Variants in ANLN observed in about 807,000 individuals in gnomAD.
The protein encoded by ANLN is anillin.
In ANLN, 59 loss-of-function variants were observed where a neutral mutation model predicts 135.1. The ratio of observed to expected loss-of-function variants is 0.44; its 90% CI spans 0.35 to 0.54. The LOEUF is 0.54. Among genes scored for constraint, ANLN ranks in the 20% least tolerant of loss-of-function variants. ANLN has a pLI of 0.00. For missense variants in ANLN, 1,182 were observed against 1,340.0 expected (o/e 0.88, Z 1.84); for synonymous variants, 406 against 456.4 (o/e 0.89, Z 1.41).
chr7:36,394,156 A>G (rs1158472106), intron 1 of ANLN, among the ~76,000 whole-genome samples: 1 of 152,196 alleles, frequency 6.6e-6, no homozygotes, highest in Non-Finnish European at 1.5e-5. Context: ...CAGAGACAGG[A>G]TCTTGCTTTG....
intron 5 of ANLN, among the ~76,000 whole-genome samples, chr7:36,409,189 T>C (rs1029741284): frequency 2.6e-5 from 4 of 152,246 alleles, no homozygotes; most frequent in Admixed American, 2.6e-4. Context: ...TAATTGTTCT[T>C]GGCTACTGGA....
intron 1 of ANLN, 111 bp downstream of exon 1, chr7:36,390,155 CGCGCGTGCGCAGTGTGT>C: frequency 6.3e-7 from 1 of 1,575,676 alleles, no homozygotes; most frequent in Non-Finnish European, 8.7e-7. Flanking sequence ...CGCGTGTGTG[CGCGCGTGCGCAGTGTGT>C]GCGGGCCGGG....
chr7:36,397,047 G>C (rs1234223976), intron 2 of ANLN, among the ~76,000 whole-genome samples: 1 of 151,954 alleles, frequency 6.6e-6, no homozygotes, highest in Non-Finnish European at 1.5e-5. Context: ...CTGGAGTGTA[G>C]AATAGTCTGG....
At position 36,452,534 on chromosome 7, in the gene ANLN, T is replaced by C. The variant is rs1039476057; in HGVS notation, c.3309T>C (p.Asn1103=). The C allele has an allele frequency of 5.6e-6, 9 of 1,613,952 alleles. No homozygotes were observed. The highest frequency in any genetic ancestry group is 7.6e-6 in the Non-Finnish European group (9 of 1,179,974). Reference sequence around the variant, plus strand: ...GGGATCTCTGGATGCAAAAACTCAATCAAGTTCTTGTTGATATTCGCCTCT... The same window carrying C: ...GGGATCTCTGGATGCAAAAACTCAACCAAGTTCTTGTTGATATTCGCCTCT... ...EERDLWMQKL[N]QVLVDIRLWQ... is the part of the protein sequence containing the mutation. The change falls in exon 24 of 24, where the codon AAT becomes AAC. Residue 1103 remains asparagine (N), a synonymous_variant. Coordinates refer to ENST00000265748, the MANE Select transcript of ANLN (RefSeq NM_018685.5).
chr7:36,439,129 G>T lies in ANLN; in HGVS notation c.2884-75G>T, dbSNP rs533177936. 9.4e-5 allele frequency: 83 copies of T among 884,650 alleles called. 1 individual carries two copies. The South Asian group carries it at 1.1e-3, about 12-fold the overall frequency. 54.8% of individuals were successfully genotyped at this position (884,650 alleles called of 1,614,324 possible). A position where few individuals can be genotyped will look rare whatever the true frequency, so the allele number is the denominator to read the frequency against. On this transcript the variant is annotated intron_variant, in intron 20 of 23. Coordinates refer to ENST00000265748, the MANE Select transcript of ANLN (RefSeq NM_018685.5). The stretch of plus-strand genomic sequence containing the variant: ...TCAAGTTGTAATAGTCTCTGTTCAT[G>T]ATTTATACATGATTTATCAAGAAAA...
At chr7:36,396,175 T>C (rs1401208971) in intron 1 of ANLN, 91 bp from the exon 2 acceptor site, 3 of 1,137,186 alleles carry the variant, frequency 2.6e-6, no homozygotes, top group Non-Finnish European at 3.6e-6. Context: ...ACTGTCATCC[T>C]GTATGGCAAT....
chr7:36,430,537 C>T (rs1788272575), intron 20 of ANLN, among the ~76,000 whole-genome samples: 1 of 152,074 alleles, frequency 6.6e-6, no homozygotes, highest in Admixed American at 6.5e-5. Context: ...GAAGGATGTC[C>T]CAAAGTTCCT....
intron 10 of ANLN, 30 bp downstream of exon 10, chr7:36,419,509 G>C (rs1335434674): frequency 1.1e-5 from 17 of 1,576,350 alleles, no homozygotes; most frequent in Non-Finnish European, 1.4e-5. Flanking sequence ...ACAGGCCCAG[G>C]ACATAAGTAA....
chr7:36,431,687 CT>C (rs1296417072), intron 20 of ANLN, among the ~76,000 whole-genome samples: 2 of 147,352 alleles, frequency 1.4e-5, no homozygotes, highest in Non-Finnish European at 3.0e-5. Context: ...CAATCCAGGC[CT>C]TGTATAACCA....
chr7:36,421,811 T>C, intron 12 of ANLN, 46 bp from the exon 13 acceptor site: 3 of 1,498,696 alleles, frequency 2.0e-6, no homozygotes, highest in Non-Finnish European at 2.7e-6. Context: ...GTGAAAATGA[T>C]GATTTAAAAT....
At chr7:36,431,609 A>G (rs1273534002) in intron 20 of ANLN, among the ~76,000 whole-genome samples, 135 of 35,356 alleles carry the variant, frequency 3.8e-3, no homozygotes, top group African/African-American at 8.8e-3. Flanking sequence ...ATATATATAT[A>G]TATATATAAT....
At chr7:36,446,580 G>C (rs1483097269) in intron 22 of ANLN, among the ~76,000 whole-genome samples, 2 of 152,178 alleles carry the variant, frequency 1.3e-5, no homozygotes, top group East Asian at 3.9e-4. Flanking sequence ...GAGCGAGCAA[G>C]TGAGCAAGGG....
At chr7:36,404,830 T>C (rs1787122104) in intron 3 of ANLN, among the ~76,000 whole-genome samples, 1 of 152,332 alleles carries the variant, frequency 6.6e-6, no homozygotes, top group South Asian at 2.1e-4. Flanking sequence ...GCATATACAG[T>C]GTGGATATGC....
chr7:36,428,891 G>C (rs753618755), intron 20 of ANLN, among the ~76,000 whole-genome samples: 1 of 148,686 alleles, frequency 6.7e-6, no homozygotes, highest in Non-Finnish European at 1.5e-5. Flanking sequence ...CGATTCTCCT[G>C]CCTCAGCGTC....
chr7:36,397,900 G>A (rs1046619613), intron 2 of ANLN, among the ~76,000 whole-genome samples: 3 of 152,118 alleles, frequency 2.0e-5, no homozygotes, highest in Non-Finnish European at 2.9e-5. Flanking sequence ...GACAGAGTGA[G>A]GCCCTATCTC....
At chr7:36,398,732 G>A (rs1398506302) in intron 2 of ANLN, among the ~76,000 whole-genome samples, 1 of 152,052 alleles carries the variant, frequency 6.6e-6, no homozygotes, top group Admixed American at 6.6e-5. Context: ...AGTATACACT[G>A]CACCATATTT....
intron 22 of ANLN, among the ~76,000 whole-genome samples, chr7:36,444,229 G>A (rs939863709): frequency 6.6e-6 from 1 of 151,536 alleles, no homozygotes; most frequent in African/African-American, 2.4e-5. Context: ...GACCAAGGTT[G>A]CAGTGAGCCG....
chr7:36,415,699 A>C, intron 7 of ANLN, 59 bp from the exon 8 acceptor site: 1 of 1,469,306 alleles, frequency 6.8e-7, no homozygotes, highest in East Asian at 2.3e-5. Context: ...TTAATAACAT[A>C]GAAAGATAAA....
intron 7 of ANLN, among the ~76,000 whole-genome samples, chr7:36,412,575 G>A (rs990984911): frequency 1.4e-4 from 21 of 152,032 alleles, no homozygotes; most frequent in Middle Eastern, 3.4e-3. Context: ...TGATCCGCCC[G>A]CCTCAGCCTC....
Sources: gnomAD v4.1 joint callset for allele counts (sites outside exome capture counted in the v4.1 genomes callset) on GRCh38, gnomAD v4.1.1 for gene constraint, MANE v1.5 for transcripts, NCBI Gene and HGNC (gene_info 2026-07-23, HGNC 2026-07-21) for gene names.